EIF4G3: variants seen among roughly 807,000 people sequenced by gnomAD.
EIF4G3 encodes eIF-4-gamma 3.
In EIF4G3, 34 loss-of-function variants were observed where a neutral mutation model predicts 186.4. The ratio of observed to expected loss-of-function variants is 0.18; its 90% CI spans 0.14 to 0.24. The LOEUF (loss-of-function observed/expected upper bound fraction) is 0.24, where lower values mean the gene tolerates loss of function less well. EIF4G3 is among the 10% of genes least tolerant of loss of function. EIF4G3 has a pLI of 1.00. For missense variants in EIF4G3, 1,536 were observed against 1,948.5 expected (o/e 0.79, Z 3.99); for synonymous variants, 673 against 679.5 (o/e 0.99, Z 0.15).
chr1:20,817,287 TAA>T (rs201615179), intron 34 of EIF4G3, 103 bp downstream of exon 34: 4,615 of 368,784 alleles, frequency 0.013, 251 homozygotes, highest in African/African-American at 0.12. Flanking sequence ...TAAAAAAAAA[TAA>T]AAATAAAAAT....
Position 20,814,756 on chromosome 1 carries a change from TCCCCCTCCCCCTC to T in EIF4G3, c.4516-1530_4516-1518del, listed in dbSNP as rs1570899536. Among the ~76,000 whole-genome samples the T allele has an allele frequency of 1.2e-3, 28 of 23,684 alleles. 4 individuals carry two copies. The highest frequency in any genetic ancestry group is 5.0e-3 in the African/African-American group (28 of 5,644). 15.5% of individuals were successfully genotyped at this position (23,684 alleles called of 152,430 possible). On this transcript the variant is annotated intron_variant, in intron 34 of 36. Coordinates refer to ENST00000602326, the MANE Select transcript of EIF4G3 (RefSeq NM_001391906.1). ...TTAAGGTTAAAAATTCATCTCCCCC[TCCCCCTCCCCCTC>T]CCCCTCCCCCTCCCCCTCTCCCTCT... is the stretch of plus-strand genomic sequence containing the variant.
At chr1:20,910,546 T>C (rs1044671218) in intron 14 of EIF4G3, among the ~76,000 whole-genome samples, 1 of 152,164 alleles carries the variant, frequency 6.6e-6, no homozygotes, top group African/African-American at 2.4e-5. Flanking sequence ...ATTATGCCAC[T>C]GCACTCAGCC....
At chr1:20,954,547 A>AG (rs2096346066) in intron 12 of EIF4G3, among the ~76,000 whole-genome samples, 1 of 151,050 alleles carries the variant, frequency 6.6e-6, no homozygotes, top group Non-Finnish European at 1.5e-5. Flanking sequence ...AAAAAAAAAA[A>AG]AAAAAAAAAA....
intron 30 of EIF4G3, among the ~76,000 whole-genome samples, chr1:20,838,366 T>C (rs988042601): frequency 6.6e-6 from 1 of 152,190 alleles, no homozygotes; most frequent in Admixed American, 6.5e-5. Flanking sequence ...CTGAGGAATG[T>C]AGCATAATAT....
intron 12 of EIF4G3, among the ~76,000 whole-genome samples, chr1:20,958,449 T>C (rs957498504): frequency 2.6e-5 from 4 of 152,220 alleles, no homozygotes; most frequent in Middle Eastern, 3.4e-3. Context: ...TCATACTGAA[T>C]GGGAAAAAGT....
intron 14 of EIF4G3, among the ~76,000 whole-genome samples, chr1:20,920,752 T>TC (rs1558244766): frequency 6.6e-6 from 1 of 152,142 alleles, no homozygotes; most frequent in Non-Finnish European, 1.5e-5. Flanking sequence ...GGGTTTTTTT[T>TC]CCCCATTAAC....
rs1012993478 is a variant in EIF4G3, at chr1:21,176,785, C to A, written c.-519G>T. On this transcript the variant is annotated 5_prime_UTR_variant, in exon 1 of 37. Coordinates refer to ENST00000602326, the MANE Select transcript of EIF4G3 (RefSeq NM_001391906.1). ...TCTTTATCCCCCTCCCCGGAGGAAG[C>A]GGCGCCCTTCTCGGTAGCGGGGCTC... 1.7e-5 allele frequency: 12 copies of A among 699,846 alleles called. No individual in the cohort carries two copies. The African/African-American group carries it at 2.1e-4, about 12-fold the overall frequency. 43.4% of individuals were successfully genotyped at this position (699,846 alleles called of 1,614,324 possible).
chr1:21,004,056 T>G (rs2084348213), intron 4 of EIF4G3: 1 of 156,732 alleles, frequency 6.4e-6, no homozygotes, highest in African/African-American at 2.4e-5. Context: ...ACAAACAAAA[T>G]CAAACATGGA....
At chr1:21,163,644 T>G (rs751913214) in intron 2 of EIF4G3, among the ~76,000 whole-genome samples, 2 of 152,206 alleles carry the variant, frequency 1.3e-5, no homozygotes, top group Non-Finnish European at 2.9e-5. Flanking sequence ...CCAAAACAAA[T>G]AAACTGTTTT....
At chr1:20,881,413 T>C (rs1223470620) in intron 19 of EIF4G3, among the ~76,000 whole-genome samples, 1 of 152,204 alleles carries the variant, frequency 6.6e-6, no homozygotes, top group African/African-American at 2.4e-5. Flanking sequence ...GTTGTTTTCT[T>C]GGGTTTACGC....
chr1:21,173,345 C>T (rs10916947), intron 2 of EIF4G3, among the ~76,000 whole-genome samples: 86,290 of 151,240 alleles, frequency 0.57, 24,987 homozygotes, highest in East Asian at 0.77. Flanking sequence ...TACAGGCAGG[C>T]GCCACCACGC....
At chr1:21,124,700 A>G (rs2096994760) in intron 2 of EIF4G3, among the ~76,000 whole-genome samples, 1 of 152,232 alleles carries the variant, frequency 6.6e-6, no homozygotes, top group Non-Finnish European at 1.5e-5. Flanking sequence ...AAGGAAGCAT[A>G]AAAATGGCAT....
intron 2 of EIF4G3, among the ~76,000 whole-genome samples, chr1:21,137,341 T>C (rs1379960006): frequency 6.6e-6 from 1 of 152,046 alleles, no homozygotes; most frequent in African/African-American, 2.4e-5. Flanking sequence ...AGACGAGGTC[T>C]CACTACACTG....
At chr1:20,881,526 C>A (rs550325356) in intron 19 of EIF4G3, among the ~76,000 whole-genome samples, 6 of 152,238 alleles carry the variant, frequency 3.9e-5, no homozygotes, top group African/African-American at 1.4e-4. Flanking sequence ...GTGGCTCATG[C>A]CTATAATCCC....
At chr1:20,962,630 T>C (rs567985232) in intron 12 of EIF4G3, among the ~76,000 whole-genome samples, 1 of 152,260 alleles carries the variant, frequency 6.6e-6, no homozygotes, top group East Asian at 1.9e-4. Context: ...TCTGTATGGG[T>C]CCCATGGTGT....
intron 14 of EIF4G3, chr1:20,929,368 T>C (rs1031692686): frequency 6.6e-6 from 1 of 152,156 alleles, no homozygotes. Context: ...ATAAATGACA[T>C]AATGGGTACA....
Position 21,050,233 on chromosome 1 carries a change from T to C in EIF4G3, c.-67+633A>G, listed in dbSNP as rs145216771. Among the ~76,000 whole-genome samples, 288 of 152,226 alleles carry C rather than the reference T, an allele frequency of 1.9e-3. 2 individuals are homozygous for C. Among genetic ancestry groups the C allele is most frequent in the African/African-American group, 6.6e-3 (274 of 41,550 alleles). On this transcript the variant is annotated intron_variant, in intron 4 of 36. Coordinates refer to ENST00000602326, the MANE Select transcript of EIF4G3 (RefSeq NM_001391906.1). Reference sequence around the variant, plus strand: ...GGAAATCCAAACAAGCTTGCAACAGTAGGTCGGTGCAAGCTAAACAATATA... The same window carrying C: ...GGAAATCCAAACAAGCTTGCAACAGCAGGTCGGTGCAAGCTAAACAATATA...
At chr1:21,175,889 T>G in intron 2 of EIF4G3, 1 of 169,784 alleles carries the variant, frequency 5.9e-6, no homozygotes. Flanking sequence ...GAGGGTACCT[T>G]AGGGGAGGAG....
intron 2 of EIF4G3, among the ~76,000 whole-genome samples, chr1:21,163,853 C>T (rs565465236): frequency 3.3e-5 from 5 of 152,138 alleles, no homozygotes; most frequent in Non-Finnish European, 7.4e-5. Context: ...CTCACCGTAG[C>T]CTCCGCCACC....
Sources: allele counts gnomAD v4.1 joint callset (sites outside exome capture counted in the v4.1 genomes callset), GRCh38; gene constraint gnomAD v4.1.1; transcripts MANE v1.5; gene names NCBI Gene and HGNC (gene_info 2026-07-23, HGNC 2026-07-21).